CFAP47: variants seen among roughly 807,000 people sequenced by gnomAD.
The protein encoded by CFAP47 is cilia and flagella associated protein 47.
Under a neutral mutation model 148.1 loss-of-function variants are expected in CFAP47, and 29 were observed. The ratio of observed to expected loss-of-function variants is 0.20; its 90% CI spans 0.15 to 0.27. The LOEUF is 0.27. Ranked by LOEUF, CFAP47 falls within the 10% of genes least tolerant of loss-of-function variation. CFAP47 has a pLI of 1.00. For synonymous variants in CFAP47, 664 were observed against 577.3 expected (o/e 1.15, Z -2.15); for missense variants, 1,872 against 1,697.5 (o/e 1.10, Z -1.81).
intron 41 of CFAP47, among the ~76,000 whole-genome samples, chrX:36,189,255 G>A (rs1305799835): frequency 1.8e-5 from 2 of 110,640 alleles, no homozygotes; most frequent in East Asian, 2.9e-4. Context: ...TCTAGCTCGC[G>A]GTCAAATGGA....
At chrX:36,074,794 C>T (rs1258312798) in intron 29 of CFAP47, among the ~76,000 whole-genome samples, 2 of 111,231 alleles carry the variant, frequency 1.8e-5, no homozygotes, top group Non-Finnish European at 3.8e-5. Flanking sequence ...TCGGGTCCCT[C>T]AACCTTCAGC....
chrX:35,976,526 T>G (rs1936572904), intron 15 of CFAP47, among the ~76,000 whole-genome samples: 1 of 111,855 alleles, frequency 8.9e-6, no homozygotes, highest in Admixed American at 9.6e-5. Context: ...ATTTAAGTGT[T>G]AATTACGTCT....
chrX:36,239,305 T>A (rs781807522), intron 48 of CFAP47, among the ~76,000 whole-genome samples: 29 of 112,398 alleles, frequency 2.6e-4, no homozygotes, highest in African/African-American at 9.0e-4. Flanking sequence ...ATCTTGAAAT[T>A]AAAGACTTGA....
At chrX:36,046,814 G>A in intron 25 of CFAP47, 40 bp from the exon 26 acceptor site, 1 of 910,434 alleles carries the variant, frequency 1.1e-6, no homozygotes, top group East Asian at 3.4e-5. Context: ...TGACTGGCAG[G>A]TATTTTGAGC....
chrX:36,149,821 C>A lies in CFAP47; in HGVS notation c.5786+598C>A, dbSNP rs895738723. ...GCAGGGTTTCACCACGTTGGCCAGG[C>A]TGGTCTCGAACTCCTGACCTCATGT... On this transcript the variant is annotated intron_variant, in intron 37 of 63. Transcript: ENST00000378653. 1.5e-4 allele frequency among the ~76,000 whole-genome samples: 16 copies of A among 108,370 alleles called. 1 individual carries two copies. Among genetic ancestry groups the A allele is most frequent in the African/African-American group, 5.4e-4 (16 of 29,766 alleles). 94.1% of individuals were successfully genotyped at this position (108,370 alleles called of 115,157 possible).
intron 2 of CFAP47, among the ~76,000 whole-genome samples, chrX:35,940,059 T>C (rs1183293964): frequency 9.0e-6 from 1 of 111,635 alleles, no homozygotes; most frequent in Non-Finnish European, 1.9e-5. Flanking sequence ...TGGTGAGCAT[T>C]TTTTCATGTG....
chrX:36,059,802 C>T (rs1283442122), intron 26 of CFAP47, among the ~76,000 whole-genome samples: 2 of 111,625 alleles, frequency 1.8e-5, no homozygotes, highest in Non-Finnish European at 3.8e-5. Flanking sequence ...TTTTATCCCC[C>T]GTATTGGAGA....
chrX:36,223,621 A>C (rs1436136289), intron 45 of CFAP47, among the ~76,000 whole-genome samples: 3 of 111,110 alleles, frequency 2.7e-5, no homozygotes, highest in Non-Finnish European at 5.7e-5. Context: ...AGGCACAAAC[A>C]AGTCTAATAA....
chrX:36,174,339 C>T (rs1345617882), intron 39 of CFAP47, among the ~76,000 whole-genome samples: 1 of 109,637 alleles, frequency 9.1e-6, no homozygotes, highest in Non-Finnish European at 1.9e-5. Context: ...TTGATCCTGT[C>T]ATTATGATGT....
intron 21 of CFAP47, among the ~76,000 whole-genome samples, chrX:36,009,758 A>G (rs1937018613): frequency 1.8e-5 from 2 of 112,193 alleles, no homozygotes. Flanking sequence ...TATTAGGGCA[A>G]TATGAATGAC....
chrX:35,950,180 A>C (rs1457314014), intron 4 of CFAP47, among the ~76,000 whole-genome samples: 2 of 111,620 alleles, frequency 1.8e-5, no homozygotes, highest in Non-Finnish European at 3.8e-5. Context: ...GATATAGTGT[A>C]AGATAAGGGT....
intron 1 of CFAP47, among the ~76,000 whole-genome samples, chrX:35,923,778 C>T (rs1419092082): frequency 1.9e-5 from 2 of 106,506 alleles, no homozygotes; most frequent in East Asian, 5.9e-4. Context: ...TGAGATTGCA[C>T]CACTGCACTC....
At position 35,924,012 on chromosome X, in the gene CFAP47, T is replaced by C. The variant is rs1012459884; in HGVS notation, c.250-2005T>C. Among the ~76,000 whole-genome samples the C allele has an allele frequency of 7.3e-4, 61 of 83,394 alleles. 5 individuals are homozygous for C. Among genetic ancestry groups the C allele is most frequent in the African/African-American group, 2.8e-3 (59 of 21,378 alleles). 72.4% of individuals were successfully genotyped at this position (83,394 alleles called of 115,157 possible). ...GTACATATATGTGTATATGTGTAAA[T>C]ATATATGCACATATATATGCACATA... On this transcript the variant is annotated intron_variant, in intron 1 of 63. Transcript: ENST00000378653.
At position 36,180,785 on chromosome X, in the gene CFAP47, C is replaced by T. The variant is rs1939741303; in HGVS notation, c.6104+1363C>T. 3.6e-5 allele frequency among the ~76,000 whole-genome samples: 4 copies of T among 111,642 alleles called. No individual in the cohort carries two copies. The South Asian group carries it at 1.5e-3, about 41-fold the overall frequency. On this transcript the variant is annotated intron_variant, in intron 40 of 63. Coordinates refer to ENST00000378653, the MANE Select transcript of CFAP47 (RefSeq NM_001304548.2). ...TATTGAACGCCAATGTCATGCTTAC[C>T]TAGGGCTTTTGAAGTCTTCTTTCAC...
intron 61 of CFAP47, among the ~76,000 whole-genome samples, chrX:36,365,301 T>G (rs1556020070): frequency 2.7e-5 from 3 of 110,733 alleles, no homozygotes; most frequent in African/African-American, 9.8e-5. Flanking sequence ...ATACTTCATT[T>G]TAGCAGCACC....
chrX:36,121,957 G>A (rs1462114783), intron 33 of CFAP47, among the ~76,000 whole-genome samples: 4 of 111,422 alleles, frequency 3.6e-5, no homozygotes, highest in Non-Finnish European at 7.6e-5. Context: ...ATTTCTTGTA[G>A]AACATGTATG....
At chrX:36,103,850 A>T (rs1290252033) in intron 32 of CFAP47, among the ~76,000 whole-genome samples, 1 of 111,741 alleles carries the variant, frequency 8.9e-6, no homozygotes, top group East Asian at 2.8e-4. Flanking sequence ...TGTTACTTTG[A>T]GTAGCTCTGT....
Position 35,948,384 on chromosome X carries a change from T to C in CFAP47, c.588T>C (p.Ala196=). The change falls in exon 4 of 64, where the codon GCT becomes GCC. Residue 196 remains alanine, a synonymous_variant. Coordinates refer to ENST00000378653, the MANE Select transcript of CFAP47 (RefSeq NM_001304548.2). ...TTCCAACTAGTGGTATCGTGGATGCTAAGTCATCAATGGTTATTAAAGTAG... is the reference window on the plus strand; with the variant it reads ...TTCCAACTAGTGGTATCGTGGATGCCAAGTCATCAATGGTTATTAAAGTAG... The part of the protein sequence containing the change: ...LIFPTSGIVD[A]KSSMVIKVDF... 8.3e-7 allele frequency: 1 copy of C among 1,201,365 alleles called. No homozygotes were observed. The highest frequency in any genetic ancestry group is 1.1e-6 in the Non-Finnish European group (1 of 885,995).
At chrX:36,142,827 C>T (rs752889807) in intron 35 of CFAP47, among the ~76,000 whole-genome samples, 14 of 110,451 alleles carry the variant, frequency 1.3e-4, no homozygotes, top group African/African-American at 4.6e-4. Context: ...TCATCCCAGA[C>T]TTGAGCCCAG....
Sources: gnomAD v4.1 joint callset for allele counts (sites outside exome capture counted in the v4.1 genomes callset) on GRCh38, gnomAD v4.1.1 for gene constraint, MANE v1.5 for transcripts, NCBI Gene and HGNC (gene_info 2026-07-23, HGNC 2026-07-21) for gene names.